The following GPR157 variants were observed in gnomAD, a reference collection of about 807,000 sequenced individuals.
GPR157 encodes G-protein coupled receptor 157.
A neutral mutation model predicts 23.5 loss-of-function variants in GPR157; 16 were observed. That is an observed-to-expected ratio of 0.68 (90% CI 0.46 to 1.04). The LOEUF is 1.04. GPR157 is among the 50% of genes least tolerant of loss of function. The pLI is 0.00. For missense variants in GPR157, 440 were observed against 460.7 expected (o/e 0.96, Z 0.41); for synonymous variants, 200 against 221.5 (o/e 0.90, Z 0.86).
chr1:9,107,969 G>C (rs1338561868), intron 2 of GPR157, among the ~76,000 whole-genome samples: 1 of 152,080 alleles, frequency 6.6e-6, no homozygotes, highest in Non-Finnish European at 1.5e-5. Flanking sequence ...GCACACACCT[G>C]TAGTCCCAGC....
Position 9,100,431 on chromosome 1 carries a change from T to G in GPR157, c.*3988A>C, listed in dbSNP as rs1642552177. The G allele has an allele frequency of 1.3e-5, 2 of 152,240 alleles. No homozygotes were observed. The allele number at this position is 152,240 out of a possible 1,614,324, so 9.4% of individuals were successfully genotyped here. Reference sequence around the variant, plus strand: ...TTTTGATGCCACAACTAGAAGTTTGTAAAAACTATTTTTCTTGTCGTGGAC... The same window carrying G: ...TTTTGATGCCACAACTAGAAGTTTGGAAAAACTATTTTTCTTGTCGTGGAC... On this transcript the variant is annotated 3_prime_UTR_variant, in exon 4 of 4. Transcript: ENST00000377411.
rs1463556304 is a variant in GPR157, at chr1:9,114,157, C to T, written c.384-2668G>A. Among the ~76,000 whole-genome samples the T allele has an allele frequency of 8.6e-5, 13 of 151,832 alleles. 4 individuals carry two copies. Among genetic ancestry groups the T allele is most frequent in the Admixed American group, 7.2e-4 (11 of 15,266 alleles). On this transcript the variant is annotated intron_variant, in intron 1 of 3. Transcript: ENST00000377411. ...CAGCCTGGCCAACATGGTGAAACTC[C>T]GTCTCTACCAAAAATACAAAAATTA...
chr1:9,119,156 C>T (rs1451330147), intron 1 of GPR157, among the ~76,000 whole-genome samples: 1 of 152,028 alleles, frequency 6.6e-6, no homozygotes, highest in Non-Finnish European at 1.5e-5. Context: ...CCTCAGCCTC[C>T]CAAATAGCTG....
At chr1:9,106,282 C>T (rs952978342) in intron 2 of GPR157, among the ~76,000 whole-genome samples, 6 of 152,182 alleles carry the variant, frequency 3.9e-5, no homozygotes, top group South Asian at 2.1e-4. Context: ...CACGTCACCA[C>T]GTCTCTGGAT....
At chr1:9,104,931 C>T (rs1231409348) in intron 3 of GPR157, among the ~76,000 whole-genome samples, 1 of 150,774 alleles carries the variant, frequency 6.6e-6, no homozygotes, top group African/African-American at 2.4e-5. Flanking sequence ...ACCCAGGAGG[C>T]GGAAGTTGCA....
At chr1:9,122,445 C>T (rs550143677) in intron 1 of GPR157, among the ~76,000 whole-genome samples, 64 of 152,252 alleles carry the variant, frequency 4.2e-4, no homozygotes, top group South Asian at 2.9e-3. Context: ...TTCGAGCCAC[C>T]GTTGTCTCTC....
intron 2 of GPR157, among the ~76,000 whole-genome samples, chr1:9,108,319 C>G (rs987407252): frequency 1.3e-5 from 2 of 152,204 alleles, no homozygotes; most frequent in Non-Finnish European, 2.9e-5. Flanking sequence ...CTAGAGGCAA[C>G]TAGCACATTC....
chr1:9,114,920 C>CAAAAAAAAAAAAA (rs70985588), intron 1 of GPR157, among the ~76,000 whole-genome samples: 1 of 85,506 alleles, frequency 1.2e-5, no homozygotes. Context: ...GACTCCGTCT[C>CAAAAAAAAAAAAA]AAAAAAAAAA....
At chr1:9,109,027 C>T (rs890576271) in intron 2 of GPR157, among the ~76,000 whole-genome samples, 8 of 152,048 alleles carry the variant, frequency 5.3e-5, no homozygotes, top group South Asian at 2.1e-4. Context: ...CTGCACACCT[C>T]GGCCTCCCAA....
chr1:9,110,030 C>A (rs773584255), intron 2 of GPR157, among the ~76,000 whole-genome samples: 1 of 152,106 alleles, frequency 6.6e-6, no homozygotes, highest in Non-Finnish European at 1.5e-5. Context: ...AGCAAGCCTG[C>A]AGGATGAGCC....
chr1:9,111,067 G>C, intron 2 of GPR157: 2 of 617,702 alleles, frequency 3.2e-6, no homozygotes, highest in Non-Finnish European at 5.9e-6. Flanking sequence ...GGCTCCTAAC[G>C]GGGCAGTGGG....
At chr1:9,115,210 G>A (rs1381794823) in intron 1 of GPR157, among the ~76,000 whole-genome samples, 1 of 152,154 alleles carries the variant, frequency 6.6e-6, no homozygotes, top group Non-Finnish European at 1.5e-5. Flanking sequence ...ATAGACGTGT[G>A]CATGTGTGCA....
chr1:9,126,104 C>A, intron 1 of GPR157, among the ~76,000 whole-genome samples: 1 of 151,874 alleles, frequency 6.6e-6, no homozygotes, highest in Middle Eastern at 3.2e-3. Flanking sequence ...AGTTGGGACA[C>A]GCACCACCAC....
In GPR157 at chr1:9,128,814, A is replaced by G. The variant is rs1187749283; in HGVS notation, c.214T>C (p.Phe72Leu). The G allele has an allele frequency of 6.2e-7, 1 of 1,610,108 alleles. No individual in the cohort carries two copies. The highest frequency in any genetic ancestry group is 8.5e-7 in the Non-Finnish European group (1 of 1,178,254). Residue 72 changes from phenylalanine (F) to leucine (L), a missense_variant, in exon 1 of 4, where the codon TTC (phenylalanine) becomes CTC (leucine). Physicochemically the swap from Phe to Leu is conservative, Grantham distance 22. Transcript: ENST00000377411. This position sits in a 1 kb window ranked among gnomAD's most constrained non-coding sequence, Gnocchi z 6.3. ...ACGCAGTCCCACGACGGGCCCGCGA[A>G]GTTCTGCAGCACTCCGTAGAAGTAG... The part of the protein sequence containing the change: ...ASYFYGVLQN[F>L]AGPSWDCVLQ...
In GPR157 at chr1:9,116,211, A is replaced by AT. The variant is rs1557697879; in HGVS notation, c.384-4723dup. On this transcript the variant is annotated intron_variant, in intron 1 of 3. Transcript: ENST00000377411. ...ATATAATATAATTATATATATAATT[A>AT]TATATATATTACATATAATATAATT... Among the ~76,000 whole-genome samples, 3 of 4,144 alleles carry AT rather than the reference A, an allele frequency of 7.2e-4. 1 individual carries two copies. Among genetic ancestry groups the AT allele is most frequent in the Non-Finnish European group, 9.4e-4 (3 of 3,180 alleles). The allele number at this position is 4,144 out of a possible 152,430, so 2.7% of individuals were successfully genotyped here. A position where few individuals can be genotyped will look rare whatever the true frequency, so the allele number is the denominator to read the frequency against.
chr1:9,111,293 T>TC lies in GPR157; in HGVS notation c.579dup (p.Lys194GlufsTer12). The TC allele has an allele frequency of 1.2e-6, 2 of 1,614,156 alleles. No individual in the cohort carries two copies. Among genetic ancestry groups the TC allele is most frequent in the Non-Finnish European group, 1.7e-6 (2 of 1,180,010 alleles). On this transcript the variant is annotated frameshift_variant, in exon 2 of 4. Transcript: ENST00000377411. LOFTEE classifies it high-confidence loss of function. ...GCGCCTACCGCTCTGTTGATGTGCT[T>TC]CCGGACCAGGAGGTACAGCAGAGGC...
intron 1 of GPR157, among the ~76,000 whole-genome samples, chr1:9,114,914 CCGTCTCAAAAAAAAAAAAAAAAAA>C (rs1443962296): frequency 1.7e-5 from 2 of 115,086 alleles, no homozygotes; most frequent in African/African-American, 6.8e-5. Flanking sequence ...GAGCGAGACT[CCGTCTCAAAAAAAAAAAAAAAAAA>C]AAAAGAATAA....
rs1210364003 is a variant in GPR157 at position 9,128,924 on chromosome 1, G to A, written c.104C>T (p.Thr35Met). 2.3e-5 allele frequency: 36 copies of A among 1,537,922 alleles called. No homozygotes were observed. The highest frequency in any genetic ancestry group is 3.1e-5 in the Non-Finnish European group (35 of 1,144,394). Residue 35 changes from threonine to methionine, a missense_variant, in exon 1 of 4, where the codon ACG (threonine) becomes ATG (methionine). Physicochemically the swap from Thr to Met is moderately conservative, Grantham distance 81. Coordinates refer to ENST00000377411, the MANE Select transcript of GPR157 (RefSeq NM_024980.5). This position sits in a 1 kb window ranked among gnomAD's most constrained non-coding sequence, Gnocchi z 6.3. Reference sequence around the variant, plus strand: ...GCGCAGGTCGGGCCACAGGGCGTGCGTGGCCACCAGCAGGCCCGAGCCGAG... The same window carrying A: ...GCGCAGGTCGGGCCACAGGGCGTGCATGGCCACCAGCAGGCCCGAGCCGAG... The part of the protein sequence containing the change: ...SALGSGLLVA[T>M]HALWPDLRSR...
Position 9,120,270 on chromosome 1 carries a change from C to T in GPR157, c.383+8375G>A, listed in dbSNP as rs1249915634. Among the ~76,000 whole-genome samples, 1 of 152,110 alleles carries T rather than the reference C, an allele frequency of 6.6e-6. No homozygotes were observed. The highest frequency in any genetic ancestry group is 1.5e-5 in the Non-Finnish European group (1 of 68,018). The stretch of plus-strand genomic sequence containing the variant: ...CACCCTGGGATTCCTGTACCTTTTC[C>T]CCACCCCAAACTTCATCCTTCCTAC... On this transcript the variant is annotated intron_variant, in intron 1 of 3. Coordinates refer to ENST00000377411, the MANE Select transcript of GPR157 (RefSeq NM_024980.5). The surrounding 1 kb of genome is among the most constrained non-coding windows in gnomAD (Gnocchi z 4.1).
Sources: gnomAD v4.1 joint callset for allele counts (sites outside exome capture counted in the v4.1 genomes callset) on GRCh38, gnomAD v4.1.1 for gene constraint, Gnocchi (gnomAD v3.1) non-coding constraint, MANE v1.5 for transcripts, NCBI Gene and HGNC (gene_info 2026-07-23, HGNC 2026-07-21) for gene names.